Variants in ILF2 observed in about 807,000 individuals in gnomAD.
ILF2 encodes interleukin enhancer binding factor 2, also known as interleukin enhancer-binding factor 2.
A neutral mutation model predicts 55.3 loss-of-function variants in ILF2; 9 were observed. The ratio of observed to expected loss-of-function variants is 0.16; its 90% CI spans 0.10 to 0.28. ILF2 has a LOEUF of 0.28. ILF2 is among the 10% of genes least tolerant of loss of function. The pLI, the probability that ILF2 is intolerant of heterozygous loss-of-function variation, is 1.00. For synonymous variants in ILF2, 151 were observed against 161.8 expected (o/e 0.93, Z 0.50); for missense variants, 266 against 474.9 (o/e 0.56, Z 4.09).
chr1:153,667,523 C>G (rs752422773), intron 6 of ILF2, 32 bp downstream of exon 6: 51 of 1,417,920 alleles, frequency 3.6e-5, no homozygotes, highest in Middle Eastern at 1.7e-4. Context: ...GTGCTATGTT[C>G]TGTTCCCATG....
chr1:153,663,996 T>TACTACTACC (rs527872479), intron 10 of ILF2, 47 bp downstream of exon 10: 13 of 433,850 alleles, frequency 3.0e-5, no homozygotes, highest in Middle Eastern at 4.6e-4. Context: ...CTACTACTAC[T>TACTACTACC]AGTAAATAAG....
chr1:153,662,818 T>C, intron 12 of ILF2, 23 bp from the exon 13 acceptor site: 1 of 1,596,170 alleles, frequency 6.3e-7, no homozygotes, highest in Non-Finnish European at 8.6e-7. Flanking sequence ...AAAGTGAGAG[T>C]AAGCAAGGAA....
At chr1:153,664,562 A>G in intron 8 of ILF2, 88 bp from the exon 9 acceptor site, 1 of 1,036,892 alleles carries the variant, frequency 9.6e-7, no homozygotes, top group South Asian at 1.3e-5. Context: ...AAAACTTGGA[A>G]GGAGGGCAGG....
In ILF2 at chr1:153,668,143, ATT is replaced by A. The variant is rs917085018; in HGVS notation, c.214-68_214-67del. 1.7e-5 allele frequency: 21 copies of A among 1,226,762 alleles called. No individual in the cohort carries two copies. The African/African-American group carries it at 3.0e-4, about 18-fold the overall frequency. 76.0% of individuals were successfully genotyped at this position (1,226,762 alleles called of 1,614,324 possible). On this transcript the variant is annotated intron_variant, in intron 4 of 13. Coordinates refer to ENST00000361891, the MANE Select transcript of ILF2 (RefSeq NM_004515.4). ...ATAAGCAATTTCTCAGAATTTGAATATTTTCTCCTAATCCCTTCCATACAAGC... is the reference window on the plus strand; with the variant it reads ...ATAAGCAATTTCTCAGAATTTGAATATTCTCCTAATCCCTTCCATACAAGC...
intron 6 of ILF2, 27 bp downstream of exon 6, chr1:153,667,528 C>T (rs753570017): frequency 1.4e-6 from 2 of 1,465,136 alleles, no homozygotes; most frequent in African/African-American, 2.8e-5. Context: ...ATGTTCTGTT[C>T]CCATGACCAG....
At chr1:153,664,787 A>AC (rs1184860281) in intron 8 of ILF2, among the ~76,000 whole-genome samples, 1 of 152,132 alleles carries the variant, frequency 6.6e-6, no homozygotes, top group Admixed American at 6.5e-5. Context: ...CCAACTCCTG[A>AC]CCTCAGGTGA....
At chr1:153,662,840 C>G (rs1669205582) in intron 12 of ILF2, 45 bp from the exon 13 acceptor site, 1 of 1,511,446 alleles carries the variant, frequency 6.6e-7, no homozygotes, top group Non-Finnish European at 9.2e-7. Context: ...ATCAAAGGAC[C>G]TTATTTGAGT....
rs1330198818 is a variant in ILF2 at position 153,662,670 on chromosome 1, C to T, written c.1012+35G>A. ...TGTACAGCTTCTCTGTACCAGATTA[C>T]AATACAAAACCCCTGACCCACAGTG... On this transcript the variant is annotated intron_variant, in intron 13 of 13. Transcript: ENST00000361891. 4 of 1,597,824 alleles carry T rather than the reference C, an allele frequency of 2.5e-6. No homozygotes were observed. In the South Asian group the frequency reaches 4.4e-5, roughly 18 times the overall value.
intron 6 of ILF2, among the ~76,000 whole-genome samples, 170 bp from the exon 7 acceptor site, chr1:153,665,898 T>C (rs890055030): frequency 5.3e-5 from 8 of 152,230 alleles, no homozygotes; most frequent in African/African-American, 1.9e-4. Flanking sequence ...GGCAGAAAAA[T>C]TGGAAGACTC....
Position 153,662,952 on chromosome 1 carries a change from T to C in ILF2, c.921+67A>G, listed in dbSNP as rs1669208940. On this transcript the variant is annotated intron_variant, in intron 12 of 13. Coordinates refer to ENST00000361891, the MANE Select transcript of ILF2 (RefSeq NM_004515.4). ...TGACCCGTAAAGACCATATTCCGCT[T>C]TGCCTGCTGAGCAGCAGTATTCAAA... The C allele has an allele frequency of 2.1e-6, 3 of 1,413,548 alleles. No individual in the cohort carries two copies. In the Admixed American group the frequency reaches 5.1e-5, roughly 24 times the overall value. 87.6% of individuals were successfully genotyped at this position (1,413,548 alleles called of 1,614,324 possible).
At chr1:153,663,370 C>A in intron 10 of ILF2, 94 bp from the exon 11 acceptor site, 2 of 1,227,366 alleles carry the variant, frequency 1.6e-6, no homozygotes, top group Non-Finnish European at 2.4e-6. Flanking sequence ...ACTTTGTCAT[C>A]CAGGCTGGAG....
chr1:153,668,368 A>G (rs1669360584), intron 4 of ILF2, 85 bp downstream of exon 4: 17 of 1,515,006 alleles, frequency 1.1e-5, no homozygotes, highest in Non-Finnish European at 1.4e-5. Context: ...TGTTAACACC[A>G]TTCTTAACCT....
chr1:153,662,715 A>C lies in ILF2; in HGVS notation c.1002T>G (p.Gly334=). The part of the protein sequence containing the change: ...GGFRKILGQE[G]DASYLASEIS... ...ACAGTGGTCACTCACAGCTGGCATC[A>C]CCCTCCTGGCCAAGGATCTTCCTAA... The change falls in exon 13 of 14, where the codon GGT becomes GGG. Residue 334 remains glycine, a synonymous_variant. Transcript: ENST00000361891. 1 of 1,614,048 alleles carries C rather than the reference A, an allele frequency of 6.2e-7. No homozygotes were observed. The highest frequency in any genetic ancestry group is 1.1e-5 in the South Asian group (1 of 91,070).
intron 7 of ILF2, 52 bp from the exon 8 acceptor site, chr1:153,665,388 CA>C (rs750073728): frequency 5.7e-5 from 70 of 1,235,638 alleles, no homozygotes; most frequent in Middle Eastern, 5.6e-4. Context: ...ATTAGATGAT[CA>C]AAGTTAAATC....
rs1557951631 is a variant in ILF2 at position 153,663,989 on chromosome 1, CTACTACT to C, written c.744+47_744+53del. On this transcript the variant is annotated intron_variant, in intron 10 of 13. Transcript: ENST00000361891. ...ACTACTACTACTACTACTACTACTACTACTACTAGTAAATAAGGATGATGAGGAACTC... is the reference window on the plus strand; with the variant it reads ...ACTACTACTACTACTACTACTACTACAGTAAATAAGGATGATGAGGAACTC... 166 of 875,020 alleles carry C rather than the reference CTACTACT, an allele frequency of 1.9e-4. 2 individuals carry two copies. Among genetic ancestry groups the C allele is most frequent in the Middle Eastern group, 8.9e-4 (4 of 4,474 alleles). The allele number at this position is 875,020 out of a possible 1,614,324, so 54.2% of individuals were successfully genotyped here.
At position 153,665,220 on chromosome 1, in the gene ILF2, A is replaced by G; in HGVS notation, c.577T>C (p.Leu193=). 6.5e-7 allele frequency: 1 copy of G among 1,537,420 alleles called. No homozygotes were observed. ...NLRKLDPELH[L]DIKVLQSALA... is the part of the protein sequence containing the mutation. ...CAGCAATGGAAAAAAAAGAACTAACAATGGAGTTCTGGATCCAGTTTTCGA... is the reference window on the plus strand; with the variant it reads ...CAGCAATGGAAAAAAAAGAACTAACGATGGAGTTCTGGATCCAGTTTTCGA... Residue 193 remains leucine (L), a splice_region_variant and synonymous_variant, in exon 8 of 14, where the codon TTG becomes CTG. Coordinates refer to ENST00000361891, the MANE Select transcript of ILF2 (RefSeq NM_004515.4).
chr1:153,670,057 G>T, intron 2 of ILF2, 114 bp downstream of exon 2: 1 of 1,184,978 alleles, frequency 8.4e-7, no homozygotes, highest in Non-Finnish European at 1.3e-6. Flanking sequence ...TGCAGGAAAA[G>T]ACCACAGTTG....
At chr1:153,669,429 C>T (rs925324115) in intron 3 of ILF2, among the ~76,000 whole-genome samples, 2 of 152,070 alleles carry the variant, frequency 1.3e-5, no homozygotes, top group African/African-American at 4.8e-5. Flanking sequence ...TGTAAAGCAA[C>T]ACACAGTTGA....
chr1:153,667,707 G>T, intron 5 of ILF2, 50 bp from the exon 6 acceptor site: 1 of 1,289,126 alleles, frequency 7.8e-7, no homozygotes, highest in Non-Finnish European at 1.1e-6. Context: ...AAAAAAAGGT[G>T]CCTAGGTCCT....
Sources: allele counts gnomAD v4.1 joint callset (sites outside exome capture counted in the v4.1 genomes callset), GRCh38; gene constraint gnomAD v4.1.1; transcripts MANE v1.5; gene names NCBI Gene and HGNC (gene_info 2026-07-23, HGNC 2026-07-21).